Variants in POU2F1 observed in about 807,000 individuals in gnomAD.
POU2F1 encodes the protein POU domain, class 2, transcription factor 1.
Under a neutral mutation model 84.9 loss-of-function variants are expected in POU2F1, and 16 were observed. That is an observed-to-expected ratio of 0.19 (90% confidence interval 0.13 to 0.29). The LOEUF (loss-of-function observed/expected upper bound fraction) is 0.29, where lower values mean the gene tolerates loss of function less well. Among genes scored for constraint, POU2F1 ranks in the 10% least tolerant of loss-of-function variants. The pLI is 1.00. For missense variants in POU2F1, 738 were observed against 942.6 expected (o/e 0.78, Z 2.84); for synonymous variants, 368 against 368.3 (o/e 1.00, Z 0.01).
At chr1:167,281,657 G>T (rs1042373978) in intron 1 of POU2F1, among the ~76,000 whole-genome samples, 1 of 152,164 alleles carries the variant, frequency 6.6e-6, no homozygotes, top group African/African-American at 2.4e-5. Flanking sequence ...GCCAAAACTC[G>T]GTGATTGGCG....
chr1:167,366,728 T>C (rs1215754059), intron 3 of POU2F1, among the ~76,000 whole-genome samples: 17 of 152,132 alleles, frequency 1.1e-4, no homozygotes, highest in Non-Finnish European at 2.9e-5. Context: ...ACATCTAAAA[T>C]GAATTTTAAA....
rs1276911158 is a variant in POU2F1 at position 167,417,600 on chromosome 1, AG to A, written c.*1791del. 2 of 152,254 alleles carry A rather than the reference AG, an allele frequency of 1.3e-5. No individual in the cohort carries two copies. The highest frequency in any genetic ancestry group is 4.8e-5 in the African/African-American group (2 of 41,520). The allele number at this position is 152,254 out of a possible 1,614,324, so 9.4% of individuals were successfully genotyped here. A position where few individuals can be genotyped will look rare whatever the true frequency, so the allele number is the denominator to read the frequency against. ...TCATCTAAGTTCCCCTTCTTATTGGAGTTAAAGGTTCCCATTTGGTGGCTGT... is the reference window on the plus strand; with the variant it reads ...TCATCTAAGTTCCCCTTCTTATTGGATTAAAGGTTCCCATTTGGTGGCTGT... On this transcript the variant is annotated 3_prime_UTR_variant, in exon 16 of 16. Coordinates refer to ENST00000367866, the MANE Select transcript of POU2F1 (RefSeq NM_002697.4).
intron 1 of POU2F1, among the ~76,000 whole-genome samples, chr1:167,308,603 G>A (rs1247437477): frequency 6.6e-6 from 1 of 152,076 alleles, no homozygotes; most frequent in African/African-American, 2.4e-5. Context: ...ATAGCTCACT[G>A]AAGCTTCAAA....
intron 1 of POU2F1, among the ~76,000 whole-genome samples, chr1:167,302,225 A>G (rs1458769198): frequency 6.6e-6 from 1 of 150,792 alleles, no homozygotes; most frequent in Non-Finnish European, 1.5e-5. Context: ...GTGGGATTAC[A>G]GGCACACGCC....
At chr1:167,286,366 T>C (rs1653527767) in intron 1 of POU2F1, among the ~76,000 whole-genome samples, 1 of 152,198 alleles carries the variant, frequency 6.6e-6, no homozygotes, top group African/African-American at 2.4e-5. Flanking sequence ...TACTGTCTCA[T>C]GTGGCACAGG....
At chr1:167,262,505 T>G (rs1651645530) in intron 1 of POU2F1, among the ~76,000 whole-genome samples, 1 of 152,250 alleles carries the variant, frequency 6.6e-6, no homozygotes, top group Non-Finnish European at 1.5e-5. Flanking sequence ...TCAAAGGGAC[T>G]AAGTTCTTAA....
intron 1 of POU2F1, among the ~76,000 whole-genome samples, chr1:167,259,868 A>G (rs1651421552): frequency 6.6e-6 from 1 of 151,564 alleles, no homozygotes; most frequent in African/African-American, 2.4e-5. Flanking sequence ...TCATATGCTT[A>G]TTGATCATTG....
intron 2 of POU2F1, among the ~76,000 whole-genome samples, chr1:167,342,114 T>G (rs1327918924): frequency 6.6e-6 from 1 of 152,044 alleles, no homozygotes; most frequent in Non-Finnish European, 1.5e-5. Context: ...AAAGGCAACT[T>G]TTGGGCGCAA....
chr1:167,292,128 A>G (rs988850115), intron 1 of POU2F1, among the ~76,000 whole-genome samples: 2 of 152,022 alleles, frequency 1.3e-5, no homozygotes, highest in Admixed American at 6.6e-5. Flanking sequence ...GAGGCTTTTT[A>G]TAGATAAAGT....
intron 1 of POU2F1, among the ~76,000 whole-genome samples, chr1:167,306,897 T>C (rs1463314931): frequency 1.3e-5 from 2 of 152,206 alleles, no homozygotes; most frequent in East Asian, 1.9e-4. Flanking sequence ...GTGTAGACTT[T>C]AACATCTTTT....
Position 167,419,702 on chromosome 1 carries a change from C to T in POU2F1, c.*3892C>T, listed in dbSNP as rs1314851480. 2.0e-5 allele frequency: 3 copies of T among 152,208 alleles called. No individual in the cohort carries two copies. In the East Asian group the frequency reaches 5.8e-4, roughly 29 times the overall value. 9.4% of individuals were successfully genotyped at this position (152,208 alleles called of 1,614,324 possible). A position where few individuals can be genotyped will look rare whatever the true frequency, so the allele number is the denominator to read the frequency against. ...ATTAAGAATTGTGTATATCCATTAA[C>T]TGATATAATTCACATGTCCTTTTAT... is the stretch of plus-strand genomic sequence containing the variant. On this transcript the variant is annotated 3_prime_UTR_variant, in exon 16 of 16. Coordinates refer to ENST00000367866, the MANE Select transcript of POU2F1 (RefSeq NM_002697.4).
chr1:167,414,159 A>G (rs920633316), intron 15 of POU2F1, among the ~76,000 whole-genome samples: 6 of 152,224 alleles, frequency 3.9e-5, no homozygotes, highest in Non-Finnish European at 7.3e-5. Flanking sequence ...AGATTACCTT[A>G]CATTATATTG....
At chr1:167,300,270 G>C (rs1361092902) in intron 1 of POU2F1, among the ~76,000 whole-genome samples, 1 of 152,124 alleles carries the variant, frequency 6.6e-6, no homozygotes, top group Admixed American at 6.6e-5. Context: ...ACTCCAAAAC[G>C]GTCAGGAGGA....
intron 1 of POU2F1, among the ~76,000 whole-genome samples, chr1:167,230,296 C>G (rs1291084972): frequency 6.6e-6 from 1 of 152,126 alleles, no homozygotes; most frequent in African/African-American, 2.4e-5. Context: ...AAAAAAGGTA[C>G]TGGGGGGTTC....
intron 1 of POU2F1, among the ~76,000 whole-genome samples, chr1:167,252,646 T>C (rs181459498): frequency 3.4e-4 from 52 of 152,364 alleles, no homozygotes; most frequent in Admixed American, 9.1e-4. Flanking sequence ...GTGCAGCTTT[T>C]ATTATATCTG....
chr1:167,269,822 G>C (rs924976572), intron 1 of POU2F1, among the ~76,000 whole-genome samples: 2 of 151,122 alleles, frequency 1.3e-5, no homozygotes, highest in African/African-American at 4.9e-5. Flanking sequence ...GCTGAGACAG[G>C]AGAAGCACTT....
At chr1:167,322,625 G>A (rs1322293245) in intron 1 of POU2F1, among the ~76,000 whole-genome samples, 3 of 152,168 alleles carry the variant, frequency 2.0e-5, no homozygotes, top group African/African-American at 4.8e-5. Flanking sequence ...AGACCAGGTC[G>A]GTCATGGAGA....
Position 167,412,031 on chromosome 1 carries a change from C to T in POU2F1, c.1628C>T (p.Thr543Met), listed in dbSNP as rs769995488. ...STAPPASSAV[T>M]SPSLSPSPSA... The stretch of plus-strand genomic sequence containing the variant: ...GCGCCTCCAGCTTCCTCAGCAGTCA[C>T]GTCCCCCTCTCTGAGTCCCTCCCCT... The change falls in exon 14 of 16, where the codon ACG (threonine) becomes ATG (methionine). Residue 543 changes from threonine (T) to methionine (M), a missense_variant. Around this residue, in one of 4 missense-constraint regions of POU2F1, gnomAD observed 319 missense variants for 386.0 expected, o/e 0.83. Coordinates refer to ENST00000367866, the MANE Select transcript of POU2F1 (RefSeq NM_002697.4). 10 of 1,614,082 alleles carry T rather than the reference C, an allele frequency of 6.2e-6. No homozygotes were observed. Among genetic ancestry groups the T allele is most frequent in the East Asian group, 2.2e-5 (1 of 44,892 alleles).
intron 1 of POU2F1, among the ~76,000 whole-genome samples, chr1:167,222,159 A>G (rs1648270335): frequency 6.6e-6 from 1 of 152,094 alleles, no homozygotes; most frequent in African/African-American, 2.4e-5. Flanking sequence ...CTCCTGCCCC[A>G]GAATGGGCTG....
Sources: gnomAD v4.1 joint callset for allele counts (sites outside exome capture counted in the v4.1 genomes callset) on GRCh38, gnomAD v4.1.1 for gene constraint, gnomAD v4.1.1 regional missense constraint, MANE v1.5 for transcripts, NCBI Gene and HGNC (gene_info 2026-07-23, HGNC 2026-07-21) for gene names.